The following TUSC3 variants were observed in gnomAD, a reference collection of about 807,000 sequenced individuals.
TUSC3 encodes tumor suppressor candidate 3, also known as dolichyl-diphosphooligosaccharide--protein glycosyltransferase subunit TUSC3.
Under a neutral mutation model 44.8 loss-of-function variants are expected in TUSC3, and 45 were observed. The observed-to-expected ratio is 1.00, with a 90% CI of 0.79 to 1.29. TUSC3 has a LOEUF of 1.29. TUSC3 is among the 50% of genes most tolerant of loss of function. The pLI, the probability that TUSC3 is intolerant of heterozygous loss-of-function variation, is 0.00. For synonymous variants in TUSC3, 212 were observed against 152.9 expected (o/e 1.39, Z -2.85); for missense variants, 519 against 437.9 (o/e 1.19, Z -1.65).
At chr8:15,467,308 C>T (rs1306492318) in intron 1 of TUSC3, among the ~76,000 whole-genome samples, 1 of 148,942 alleles carries the variant, frequency 6.7e-6, no homozygotes, top group Non-Finnish European at 1.5e-5. Flanking sequence ...TGTGTCTGAG[C>T]TTTTCTCTAT....
At chr8:15,711,893 G>A (rs1261597462) in intron 6 of TUSC3, among the ~76,000 whole-genome samples, 2 of 151,592 alleles carry the variant, frequency 1.3e-5, no homozygotes, top group South Asian at 2.1e-4. Flanking sequence ...CAGTTTGATC[G>A]TCACGTTTTT....
At chr8:15,432,825 A>G (rs1009725318) in intron 1 of TUSC3, among the ~76,000 whole-genome samples, 2 of 152,150 alleles carry the variant, frequency 1.3e-5, no homozygotes, top group Non-Finnish European at 2.9e-5. Context: ...CCACATGGAA[A>G]ACTACAGAAG....
chr8:15,846,653 T>C, the TUSC3 span, among the ~76,000 whole-genome samples: 15 of 151,778 alleles, frequency 9.9e-5, no homozygotes, highest in Admixed American at 8.6e-4. Flanking sequence ...TAAGTGGGAA[T>C]TGAGGAGTTG....
chr8:15,531,360 T>C (rs1585077971), intron 2 of TUSC3, among the ~76,000 whole-genome samples: 2 of 152,278 alleles, frequency 1.3e-5, no homozygotes, highest in Admixed American at 6.5e-5. Context: ...AAAGCGATTC[T>C]CCTGCCTCAG....
At chr8:15,431,426 T>C (rs897268544) in intron 1 of TUSC3, among the ~76,000 whole-genome samples, 1 of 151,758 alleles carries the variant, frequency 6.6e-6, no homozygotes, top group African/African-American at 2.4e-5. Flanking sequence ...TATTTTATTC[T>C]TTCGAATGCT....
At chr8:15,613,823 C>T (rs977723406) in intron 1 of TUSC3, among the ~76,000 whole-genome samples, 1 of 152,084 alleles carries the variant, frequency 6.6e-6, no homozygotes, top group African/African-American at 2.4e-5. Context: ...TTTGACCCAA[C>T]TTTCATTCTT....
the TUSC3 span, among the ~76,000 whole-genome samples, chr8:15,825,252 G>C: frequency 1.2e-4 from 18 of 152,154 alleles, 1 homozygote; most frequent in Middle Eastern, 3.4e-3. Context: ...CATACCTGAG[G>C]CTGGGTAATT....
At chr8:15,814,731 G>A in the TUSC3 span, among the ~76,000 whole-genome samples, 1 of 152,078 alleles carries the variant, frequency 6.6e-6, no homozygotes, top group Admixed American at 6.6e-5. Flanking sequence ...GCTGACCTGT[G>A]GACTTAGAGA....
intron 1 of TUSC3, among the ~76,000 whole-genome samples, chr8:15,585,248 T>G (rs1803547653): frequency 6.6e-6 from 1 of 152,148 alleles, no homozygotes; most frequent in Admixed American, 6.5e-5. Flanking sequence ...ATCCATGGCA[T>G]TTGAAGTCCT....
At chr8:15,741,910 G>A (rs902383114) in intron 7 of TUSC3, among the ~76,000 whole-genome samples, 1 of 152,094 alleles carries the variant, frequency 6.6e-6, no homozygotes, top group Admixed American at 6.6e-5. Context: ...TTAAGCAGTA[G>A]AAATCTCCTA....
Position 15,627,603 on chromosome 8 carries a change from C to A in TUSC3, c.308+4354C>A, listed in dbSNP as rs1184303488. Among the ~76,000 whole-genome samples, 3 of 152,246 alleles carry A rather than the reference C, an allele frequency of 2.0e-5. No individual in the cohort carries two copies. The East Asian group carries it at 5.8e-4, about 29-fold the overall frequency. Reference sequence around the variant, plus strand: ...AGCCCAGACCTGGGAGCTTCCTGAGCCAGGGCTGTGACTCCCTTTTTGGGG... The same window carrying A: ...AGCCCAGACCTGGGAGCTTCCTGAGACAGGGCTGTGACTCCCTTTTTGGGG... On this transcript the variant is annotated intron_variant, in intron 2 of 10. Coordinates refer to ENST00000503731, the MANE Select transcript of TUSC3 (RefSeq NM_006765.4).
intron 1 of TUSC3, among the ~76,000 whole-genome samples, chr8:15,582,030 G>C (rs148185871): frequency 5.3e-5 from 8 of 152,096 alleles, no homozygotes; most frequent in Non-Finnish European, 8.8e-5. Context: ...TTTTTAAGCC[G>C]GTCTGAAAAG....
chr8:15,563,702 A>AAAAAAAAAAAT (rs1802564522), intron 1 of TUSC3, among the ~76,000 whole-genome samples: 1 of 151,356 alleles, frequency 6.6e-6, no homozygotes, highest in Non-Finnish European at 1.5e-5. Context: ...AAAAAAAAAA[A>AAAAAAAAAAAT]AAAGAACAAC....
intron 6 of TUSC3, among the ~76,000 whole-genome samples, chr8:15,721,111 A>T (rs1054301240): frequency 5.3e-5 from 8 of 152,230 alleles, no homozygotes; most frequent in Middle Eastern, 6.8e-3. Context: ...TTTGCTTGAT[A>T]ATAACATCTT....
At chr8:15,511,599 G>A (rs566255178) in intron 2 of TUSC3, among the ~76,000 whole-genome samples, 3 of 152,198 alleles carry the variant, frequency 2.0e-5, no homozygotes, top group East Asian at 3.8e-4. Flanking sequence ...ACTGGGTGCA[G>A]TAGCTCACGC....
chr8:15,489,117 G>A (rs1339303748), intron 2 of TUSC3, among the ~76,000 whole-genome samples: 1 of 152,158 alleles, frequency 6.6e-6, no homozygotes, highest in Non-Finnish European at 1.5e-5. Flanking sequence ...ACATGGTTGG[G>A]TTACAGCTTG....
intron 1 of TUSC3, among the ~76,000 whole-genome samples, chr8:15,620,119 T>A (rs952690028): frequency 1.3e-5 from 2 of 152,184 alleles, no homozygotes; most frequent in African/African-American, 4.8e-5. Context: ...AACTTGGAAG[T>A]GTGTGTGCAT....
intron 2 of TUSC3, among the ~76,000 whole-genome samples, chr8:15,490,188 C>T (rs755604385): frequency 1.5e-4 from 23 of 152,072 alleles, no homozygotes; most frequent in Non-Finnish European, 3.1e-4. Flanking sequence ...GGTGAGTAAT[C>T]CTAAACATTA....
chr8:15,574,702 C>A (rs749322615), intron 1 of TUSC3, among the ~76,000 whole-genome samples: 3 of 152,098 alleles, frequency 2.0e-5, no homozygotes, highest in Non-Finnish European at 4.4e-5. Flanking sequence ...TGATAGCTAA[C>A]ATTTTTTCAT....
Sources: gnomAD v4.1 joint callset for allele counts (sites outside exome capture counted in the v4.1 genomes callset) on GRCh38, gnomAD v4.1.1 for gene constraint, MANE v1.5 for transcripts, NCBI Gene and HGNC (gene_info 2026-07-23, HGNC 2026-07-21) for gene names.